Variants in CEP72 observed in about 807,000 individuals in gnomAD.
The protein encoded by CEP72 is centrosomal protein 72, also known as centrosomal protein of 72 kDa.
Under a neutral mutation model 65.7 loss-of-function variants are expected in CEP72, and 78 were observed. That is an observed-to-expected ratio of 1.19 (90% CI 0.99 to 1.43). The LOEUF (loss-of-function observed/expected upper bound fraction) is 1.43. Among genes scored for constraint, CEP72 ranks in the 40% most tolerant of loss-of-function variants. CEP72 has a pLI of 0.00. For missense variants in CEP72, 914 were observed against 832.9 expected, an observed-to-expected ratio of 1.10 and a Z score of -1.20; for synonymous variants, 358 against 351.7, an observed-to-expected ratio of 1.02 and a Z score of -0.20.
intron 9 of CEP72, chr5:643,674 GA>G: frequency 1.0e-6 from 1 of 985,350 alleles, no homozygotes; most frequent in Non-Finnish European, 1.2e-6. Flanking sequence ...AGCCAGGTGA[GA>G]CGGGATCCCT....
At chr5:658,885 G>A (rs1358022942), downstream of CEP72, among the ~76,000 whole-genome samples, 4 of 152,060 alleles carry the variant, frequency 2.6e-5, no homozygotes, top group Non-Finnish European at 5.9e-5. Flanking sequence ...AGCCAGGATG[G>A]TCTCAATCTC....
intron 11 of CEP72, among the ~76,000 whole-genome samples, chr5:650,704 G>C (rs1196487585): frequency 4.2e-5 from 2 of 47,356 alleles, no homozygotes; most frequent in Non-Finnish European, 7.1e-5. Context: ...ACTGTGAGGC[G>C]TGGACTGTGA....
chr5:637,385 C>T, intron 6 of CEP72, 132 bp from the exon 7 acceptor site: 3 of 740,330 alleles, frequency 4.1e-6, no homozygotes, highest in South Asian at 1.7e-5. Flanking sequence ...TGTGCGTGTA[C>T]ATATGTAAGT....
intron 10 of CEP72, among the ~76,000 whole-genome samples, chr5:646,029 G>A (rs1413381763): frequency 6.6e-6 from 1 of 151,554 alleles, no homozygotes; most frequent in African/African-American, 2.4e-5. Flanking sequence ...CCCATCGGCG[G>A]CCTGTGTGGA....
At chr5:653,624 T>C (rs1161879842), downstream of CEP72, 1 of 152,870 alleles carries the variant, frequency 6.5e-6, no homozygotes, top group African/African-American at 2.4e-5. Context: ...GAACAAGCTG[T>C]GCACCATGAT....
In CEP72 at chr5:624,735, C is replaced by T. The variant is rs1458294754; in HGVS notation, c.512+156C>T. ...GCCTGCCTGGCGGGGACTCCGTGGA[C>T]AGTGGGACGGGGCCTCTCTCCTGTT... On this transcript the variant is annotated intron_variant, in intron 4 of 11. Coordinates refer to ENST00000264935, the MANE Select transcript of CEP72 (RefSeq NM_018140.4). The surrounding 1 kb of genome is among the most constrained non-coding windows in gnomAD (Gnocchi z 4.7). 6.6e-6 allele frequency among the ~76,000 whole-genome samples: 1 copy of T among 152,212 alleles called. No individual in the cohort carries two copies. Among genetic ancestry groups the T allele is most frequent in the Non-Finnish European group, 1.5e-5 (1 of 68,042 alleles).
chr5:648,059 T>C (rs1209609208), intron 11 of CEP72, 143 bp downstream of exon 11: 1 of 613,472 alleles, frequency 1.6e-6, no homozygotes, highest in African/African-American at 1.9e-5. Context: ...GGACCACTGC[T>C]GATTTGAAAC....
At chr5:666,274 A>C in intron 4 of CEP72, 8 of 826,118 alleles carry the variant, frequency 9.7e-6, no homozygotes, top group African/African-American at 1.7e-5. Context: ...GCAAATCCAA[A>C]CTGTCTTGGA....
chr5:627,913 A>G (rs984129370), intron 4 of CEP72, among the ~76,000 whole-genome samples: 1 of 152,246 alleles, frequency 6.6e-6, no homozygotes, highest in Non-Finnish European at 1.5e-5. Context: ...TTCCCCCGCC[A>G]TTCACGCTGC....
chr5:668,677 G>A (rs989184569), downstream of CEP72, among the ~76,000 whole-genome samples: 4 of 152,274 alleles, frequency 2.6e-5, no homozygotes, highest in South Asian at 2.1e-4. Context: ...CAGCAGTCCC[G>A]TTCCTGGGTC....
chr5:623,237 C>T lies in CEP72; in HGVS notation c.404-1234C>T, dbSNP rs938628168. On this transcript the variant is annotated intron_variant, in intron 3 of 11. Transcript: ENST00000264935. The surrounding 1 kb of genome is among the most constrained non-coding windows in gnomAD (Gnocchi z 5.3). ...CAGAGAAGGAGCACAACCGTCTCCC[C>T]GCATGTGAGAGATGCTTCCTGCAGT... Among the ~76,000 whole-genome samples the T allele has an allele frequency of 2.6e-5, 4 of 152,244 alleles. No homozygotes were observed. Among genetic ancestry groups the T allele is most frequent in the African/African-American group, 7.2e-5 (3 of 41,464 alleles).
downstream of CEP72, among the ~76,000 whole-genome samples, chr5:668,254 CGGA>C (rs1740023355): frequency 2.6e-4 from 17 of 64,798 alleles, 1 homozygote; most frequent in African/African-American, 2.0e-3. Flanking sequence ...CAGGGAAGTG[CGGA>C]CAAGCACACG....
intron 9 of CEP72, chr5:642,389 C>T (rs1157022464): frequency 1.0e-6 from 1 of 985,358 alleles, no homozygotes; most frequent in East Asian, 1.1e-4. Flanking sequence ...ACGTGTGGCC[C>T]CCCGTCTGGA....
chr5:649,650 GA>G (rs1413412137), intron 11 of CEP72, among the ~76,000 whole-genome samples: 12 of 105,356 alleles, frequency 1.1e-4, no homozygotes, highest in Admixed American at 3.8e-4. Context: ...TGTGAGGTGT[GA>G]CTGTGAGGTG....
downstream of CEP72, among the ~76,000 whole-genome samples, chr5:667,438 C>T (rs1402968873): frequency 1.3e-5 from 2 of 152,120 alleles, no homozygotes; most frequent in Non-Finnish European, 2.9e-5. Context: ...AGATGACGGT[C>T]CTAATTATGA....
At chr5:640,231 G>C (rs374460176) in intron 8 of CEP72, among the ~76,000 whole-genome samples, 177 bp from the exon 9 acceptor site, 2 of 152,130 alleles carry the variant, frequency 1.3e-5, no homozygotes, top group South Asian at 2.1e-4. Flanking sequence ...CACCCTGCCC[G>C]TGTGTGGACG....
At position 644,426 on chromosome 5, in the gene CEP72, G is replaced by A. The variant is rs374768473; in HGVS notation, c.1666+1G>A. The A allele has an allele frequency of 6.2e-7, 1 of 1,613,606 alleles. No individual in the cohort carries two copies. The highest frequency in any genetic ancestry group is 1.1e-5 in the South Asian group (1 of 90,928). Reference sequence around the variant, plus strand: ...GCCACGTTAAATTTGCAGATCGCTGGTAAGTTGATCGTGTATTTGGTCACT... The same window carrying A: ...GCCACGTTAAATTTGCAGATCGCTGATAAGTTGATCGTGTATTTGGTCACT... On this transcript the variant is annotated splice_donor_variant, in intron 10 of 11. Coordinates refer to ENST00000264935, the MANE Select transcript of CEP72 (RefSeq NM_018140.4). LOFTEE classifies it high-confidence loss of function.
downstream of CEP72, among the ~76,000 whole-genome samples, chr5:670,894 GCCAC>G (rs1451657137): frequency 6.6e-6 from 1 of 152,200 alleles, no homozygotes; most frequent in Non-Finnish European, 1.5e-5. Flanking sequence ...GTGATGTCTG[GCCAC>G]CTGAGAGGGC....
In CEP72 at chr5:620,264, A is replaced by G. The variant is rs1736299280; in HGVS notation, c.403+3A>G. 3 of 1,612,110 alleles carry G rather than the reference A, an allele frequency of 1.9e-6. No individual in the cohort carries two copies. Among genetic ancestry groups the G allele is most frequent in the African/African-American group, 2.7e-5 (2 of 74,898 alleles). Reference sequence around the variant, plus strand: ...GCTCCCCAAGCTCCAGCAGCTGGGTAGGCATCAGGCAGGGCCACGCTCATG... The same window carrying G: ...GCTCCCCAAGCTCCAGCAGCTGGGTGGGCATCAGGCAGGGCCACGCTCATG... On this transcript the variant is annotated splice_donor_region_variant and intron_variant, in intron 3 of 11. Coordinates refer to ENST00000264935, the MANE Select transcript of CEP72 (RefSeq NM_018140.4).
Sources: gnomAD v4.1 joint callset for allele counts (sites outside exome capture counted in the v4.1 genomes callset) on GRCh38, gnomAD v4.1.1 for gene constraint, Gnocchi (gnomAD v3.1) non-coding constraint, MANE v1.5 for transcripts, NCBI Gene and HGNC (gene_info 2026-07-23, HGNC 2026-07-21) for gene names.